The following PINX1 variants were observed in gnomAD, a reference collection of about 807,000 sequenced individuals.
The protein encoded by PINX1 is PIN2/TERF1-interacting telomerase inhibitor 1.
In PINX1, 34 loss-of-function variants were observed where a neutral mutation model predicts 25.4. That is an observed-to-expected ratio of 1.34 (90% CI 1.02 to 1.78). The LOEUF (loss-of-function observed/expected upper bound fraction) is 1.78. Among genes scored for constraint, PINX1 ranks in the 40% most tolerant of loss-of-function variants. The pLI is 0.00. For synonymous variants in PINX1, 197 were observed against 147.7 expected, an observed-to-expected ratio of 1.33 and a Z score of -2.42; for missense variants, 592 against 404.9, an observed-to-expected ratio of 1.46 and a Z score of -3.97.
At chr8:10,807,917 T>G in intron 6 of PINX1, among the ~76,000 whole-genome samples, 1 of 151,332 alleles carries the variant, frequency 6.6e-6, no homozygotes, top group African/African-American at 2.4e-5. Context: ...AAGAGAGAGG[T>G]CTCCTGGGAG....
chr8:10,798,289 A>G (rs761179432), intron 6 of PINX1, among the ~76,000 whole-genome samples: 3 of 152,368 alleles, frequency 2.0e-5, no homozygotes, highest in Non-Finnish European at 4.4e-5. Flanking sequence ...AAATAATGAG[A>G]GCAGCACAGG....
chr8:10,837,277 A>G (rs893042434), intron 1 of PINX1, among the ~76,000 whole-genome samples: 1 of 152,200 alleles, frequency 6.6e-6, no homozygotes, highest in African/African-American at 2.4e-5. Context: ...CTGGTGGGCA[A>G]CATTCCATAT....
intron 6 of PINX1, among the ~76,000 whole-genome samples, chr8:10,774,702 T>G (rs188379084): frequency 1.1e-4 from 17 of 152,346 alleles, no homozygotes; most frequent in Admixed American, 1.1e-3. Context: ...TAGGTGAATA[T>G]AGTTGACTAA....
In PINX1 at chr8:10,765,908, G is replaced by C. The variant is rs769455269; in HGVS notation, c.480C>G (p.Ala160=). Reference sequence around the variant, plus strand: ...CGTTCTCCTCTGGAGTGGAGGGACTGGCATCGCCCTATGGTGGGCAGAAGA... The same window carrying C: ...CGTTCTCCTCTGGAGTGGAGGGACTCGCATCGCCCTATGGTGGGCAGAAGA... ...RQSKKTPEGD[A]SPSTPEENET... Residue 160 remains alanine, a synonymous_variant, in exon 7 of 7, where the codon GCC becomes GCG. Coordinates refer to ENST00000314787, the MANE Select transcript of PINX1 (RefSeq NM_017884.6). 29 of 1,613,516 alleles carry C rather than the reference G, an allele frequency of 1.8e-5. No homozygotes were observed. The highest frequency in any genetic ancestry group is 2.4e-5 in the Non-Finnish European group (28 of 1,179,796).
At chr8:10,788,224 T>A (rs553011406) in intron 6 of PINX1, among the ~76,000 whole-genome samples, 5 of 152,198 alleles carry the variant, frequency 3.3e-5, no homozygotes, top group Non-Finnish European at 7.3e-5. Flanking sequence ...TTATTCTCTC[T>A]ACTTTTATAC....
Position 10,834,674 on chromosome 8 carries a change from T to C in PINX1, c.121A>G (p.Lys41Glu). The part of the protein sequence containing the change: ...QRMLEKMGWS[K>E]GKGLGAQEQG... ...GCTTTTCTCCAAAATACCTTTCCTT[T>C]AGACCACCCCATCTTCTCTAGCATC... The change falls in exon 2 of 7, where the codon AAA becomes GAA. Residue 41 changes from lysine to glutamate, a missense_variant. Lys to Glu is a moderately conservative substitution (Grantham distance 56). Coordinates refer to ENST00000314787, the MANE Select transcript of PINX1 (RefSeq NM_017884.6). 6.2e-7 allele frequency: 1 copy of C among 1,613,566 alleles called. No homozygotes were observed. The highest frequency in any genetic ancestry group is 8.5e-7 in the Non-Finnish European group (1 of 1,179,634).
intron 4 of PINX1, among the ~76,000 whole-genome samples, chr8:10,829,304 A>AAG (rs1329880437): frequency 2.0e-5 from 3 of 146,718 alleles, no homozygotes; most frequent in Admixed American, 1.4e-4. Flanking sequence ...AAAAAAAAAA[A>AAG]AGAGAGAGAG....
chr8:10,794,767 A>C (rs1054656386), intron 6 of PINX1, among the ~76,000 whole-genome samples: 18 of 152,262 alleles, frequency 1.2e-4, no homozygotes, highest in Admixed American at 6.5e-4. Flanking sequence ...ATGCGTTCAA[A>C]TTAGACTTTT....
intron 6 of PINX1, among the ~76,000 whole-genome samples, chr8:10,782,757 C>T (rs1801627138): frequency 6.7e-6 from 1 of 149,492 alleles, no homozygotes; most frequent in South Asian, 2.1e-4. Context: ...TACTCAGGAG[C>T]CAGACTCCCA....
chr8:10,781,898 C>G (rs1427924086), intron 6 of PINX1, among the ~76,000 whole-genome samples: 1 of 152,094 alleles, frequency 6.6e-6, no homozygotes, highest in Admixed American at 6.5e-5. Context: ...TTCACCGCAG[C>G]AGTTTGCATA....
At chr8:10,814,298 GT>G (rs1797626966) in intron 6 of PINX1, among the ~76,000 whole-genome samples, 1 of 152,208 alleles carries the variant, frequency 6.6e-6, no homozygotes, top group African/African-American at 2.4e-5. Flanking sequence ...CTGGCAGTTC[GT>G]GATGATCTTT....
chr8:10,800,382 C>A (rs1485643962), intron 6 of PINX1, among the ~76,000 whole-genome samples: 1 of 152,020 alleles, frequency 6.6e-6, no homozygotes, highest in Non-Finnish European at 1.5e-5. Context: ...ACTGAAAGAG[C>A]TGTTATAAGT....
intron 3 of PINX1, among the ~76,000 whole-genome samples, chr8:10,832,242 G>A (rs773716789): frequency 3.3e-5 from 5 of 152,178 alleles, no homozygotes; most frequent in South Asian, 2.1e-4. Flanking sequence ...CCCCTGAATC[G>A]ATGAGTTCCC....
intron 6 of PINX1, among the ~76,000 whole-genome samples, chr8:10,793,725 G>C (rs544969445): frequency 6.6e-6 from 1 of 151,928 alleles, no homozygotes; most frequent in Admixed American, 6.6e-5. Context: ...GACCTTACTT[G>C]AAAAACAAAA....
At chr8:10,806,320 G>C (rs1586175609) in intron 6 of PINX1, among the ~76,000 whole-genome samples, 1 of 152,244 alleles carries the variant, frequency 6.6e-6, no homozygotes, top group South Asian at 2.1e-4. Flanking sequence ...GGACGCACGT[G>C]TGGGGGAGAG....
chr8:10,770,451 T>TG (rs1426622728), intron 6 of PINX1, among the ~76,000 whole-genome samples: 1 of 152,198 alleles, frequency 6.6e-6, no homozygotes, highest in African/African-American at 2.4e-5. Context: ...GAAAGATGCC[T>TG]GAAGCTACAT....
At chr8:10,829,618 G>C (rs1471259985) in intron 4 of PINX1, among the ~76,000 whole-genome samples, 2 of 152,090 alleles carry the variant, frequency 1.3e-5, no homozygotes, top group African/African-American at 4.8e-5. Flanking sequence ...TCTAACTCTG[G>C]TGTTTGTCTC....
chr8:10,800,698 G>C (rs1802239194), intron 6 of PINX1, among the ~76,000 whole-genome samples: 1 of 152,146 alleles, frequency 6.6e-6, no homozygotes, highest in South Asian at 2.1e-4. Flanking sequence ...TTGAACTCCT[G>C]ACCTCAAGTG....
At chr8:10,793,509 T>C (rs1801989162) in intron 6 of PINX1, among the ~76,000 whole-genome samples, 1 of 152,204 alleles carries the variant, frequency 6.6e-6, no homozygotes, top group Non-Finnish European at 1.5e-5. Flanking sequence ...CGAATTTGTG[T>C]TGGGCCACAT....
Sources: gnomAD v4.1 joint callset for allele counts (sites outside exome capture counted in the v4.1 genomes callset) on GRCh38, gnomAD v4.1.1 for gene constraint, MANE v1.5 for transcripts, NCBI Gene and HGNC (gene_info 2026-07-23, HGNC 2026-07-21) for gene names.